THSD7B: variants seen among roughly 807,000 people sequenced by gnomAD.
The protein encoded by THSD7B is thrombospondin type 1 domain containing 7B.
In THSD7B, 138 loss-of-function variants were observed where a neutral mutation model predicts 213.6. The observed-to-expected ratio is 0.65, with a 90% CI of 0.56 to 0.74. The LOEUF is 0.74. Among genes scored for constraint, THSD7B ranks in the 30% least tolerant of loss-of-function variants. The pLI is 0.00. For synonymous variants in THSD7B, 742 were observed against 687.0 expected, an observed-to-expected ratio of 1.08 and a Z score of -1.25; for missense variants, 1,931 against 1,991.5, an observed-to-expected ratio of 0.97 and a Z score of 0.58.
Position 137,450,825 on chromosome 2 carries a change from C to T in THSD7B, c.2960-20C>T. Reference sequence around the variant, plus strand: ...GTACATTTTAATCAGACTTTCTTCTCTTAAATCTTTTTCTGTCAGGTTACA... The same window carrying T: ...GTACATTTTAATCAGACTTTCTTCTTTTAAATCTTTTTCTGTCAGGTTACA... On this transcript the variant is annotated intron_variant, in intron 14 of 27. Transcript: ENST00000409968. The T allele has an allele frequency of 3.2e-6, 5 of 1,564,468 alleles. No homozygotes were observed. Among genetic ancestry groups the T allele is most frequent in the Non-Finnish European group, 4.3e-6 (5 of 1,152,500 alleles).
At chr2:137,258,797 A>G (rs754681070) in intron 10 of THSD7B, among the ~76,000 whole-genome samples, 8 of 151,668 alleles carry the variant, frequency 5.3e-5, no homozygotes, top group South Asian at 4.2e-4. Context: ...TAAGCCCCGC[A>G]TGCATTAGGT....
At chr2:137,424,959 C>T (rs1687011668) in intron 14 of THSD7B, among the ~76,000 whole-genome samples, 1 of 151,590 alleles carries the variant, frequency 6.6e-6, no homozygotes, top group South Asian at 2.1e-4. Context: ...GTAGTCCCAG[C>T]TACTTGGGAG....
Position 137,457,949 on chromosome 2 carries a change from T to A in THSD7B, c.3138+6926T>A, listed in dbSNP as rs560048704. 1.4e-4 allele frequency among the ~76,000 whole-genome samples: 21 copies of A among 152,264 alleles called. No individual in the cohort carries two copies. In the South Asian group the frequency reaches 4.2e-3, roughly 30 times the overall value. ...TAGTCCACCCCTAAATAAATGAAGG[T>A]TCTGGGAATTTAACCATGTCAATGC... On this transcript the variant is annotated intron_variant, in intron 15 of 27. Coordinates refer to ENST00000409968, the MANE Select transcript of THSD7B (RefSeq NM_001316349.2).
At chr2:137,654,285 T>C (rs554807081) in intron 21 of THSD7B, among the ~76,000 whole-genome samples, 2 of 152,330 alleles carry the variant, frequency 1.3e-5, no homozygotes, top group South Asian at 4.1e-4. Context: ...AGGGGATCTG[T>C]GAAACCAACC....
At chr2:137,501,673 A>G (rs1240053192) in intron 15 of THSD7B, among the ~76,000 whole-genome samples, 1 of 152,216 alleles carries the variant, frequency 6.6e-6, no homozygotes. Flanking sequence ...TGCATTACCA[A>G]TATGATTGTA....
intron 12 of THSD7B, among the ~76,000 whole-genome samples, chr2:137,362,595 AC>A (rs1300498886): frequency 1.3e-5 from 2 of 151,718 alleles, no homozygotes; most frequent in Non-Finnish European, 2.9e-5. Context: ...CTCGTCTCTG[AC>A]AAAAACAGTC....
At position 137,233,103 on chromosome 2, in the gene THSD7B, A is replaced by G; in HGVS notation, c.2120A>G (p.Lys707Arg). The change falls in exon 9 of 28, where the codon AAG (lysine) becomes AGG (arginine). Residue 707 changes from lysine (K) to arginine (R), a missense_variant. Physicochemically the swap from Lys to Arg is conservative, Grantham distance 26 (BLOSUM62 2). Transcript: ENST00000409968. ...CAGACTCGGAGAGTCTTCTGTGTCA[A>G]GAGTCACGTGGGACAAGTAATGACC... ...GIQTRRVFCV[K>R]SHVGQVMTKR... is the part of the protein sequence containing the mutation. 2 of 1,613,850 alleles carry G rather than the reference A, an allele frequency of 1.2e-6. No individual in the cohort carries two copies. Among genetic ancestry groups the G allele is most frequent in the East Asian group, 2.2e-5 (1 of 44,874 alleles).
intron 15 of THSD7B, among the ~76,000 whole-genome samples, chr2:137,511,657 C>T (rs1679963390): frequency 6.6e-6 from 1 of 152,100 alleles, no homozygotes; most frequent in African/African-American, 2.4e-5. Context: ...GGCTTACTGG[C>T]CCCATGCAGT....
At chr2:137,248,364 T>G (rs1682090124) in intron 10 of THSD7B, among the ~76,000 whole-genome samples, 1 of 152,146 alleles carries the variant, frequency 6.6e-6, no homozygotes, top group South Asian at 2.1e-4. Flanking sequence ...TTAATGAACT[T>G]CCAGTGCTTA....
At chr2:137,102,383 T>G (rs6756561) in intron 4 of THSD7B, among the ~76,000 whole-genome samples, 49,641 of 152,044 alleles carry the variant, frequency 0.33, 10,320 homozygotes, top group African/African-American at 0.59. Flanking sequence ...CCATCAGAAG[T>G]TCACCAACAT....
intron 27 of THSD7B, among the ~76,000 whole-genome samples, chr2:137,668,418 G>A (rs1225343257): frequency 6.7e-6 from 1 of 149,492 alleles, no homozygotes; most frequent in South Asian, 2.1e-4. Flanking sequence ...GACCAGCTAT[G>A]AGACAAAATT....
rs777353589 is a variant in THSD7B at position 136,807,509 on chromosome 2, G to GTTTTTTTTTTTTTTTTTTTTTTTT, written c.-36+41838_-36+41839insTTTTTTTTTTTTTTTTTTTTTTTT. Reference sequence around the variant, plus strand: ...ACTTCCTAGCACTACAAAATGTTTCGTTTTTTTTTTTTTTTTGAGACGGAG... The same window carrying GTTTTTTTTTTTTTTTTTTTTTTTT: ...ACTTCCTAGCACTACAAAATGTTTCGTTTTTTTTTTTTTTTTTTTTTTTTTTTTTTTTTTTTTTTTGAGACGGAG... On this transcript the variant is annotated intron_variant, in intron 1 of 27. Coordinates refer to ENST00000409968, the MANE Select transcript of THSD7B (RefSeq NM_001316349.2). Among the ~76,000 whole-genome samples, 2 of 104,896 alleles carry GTTTTTTTTTTTTTTTTTTTTTTTT rather than the reference G, an allele frequency of 1.9e-5. 1 individual carries two copies. The highest frequency in any genetic ancestry group is 6.2e-4 in the East Asian group (2 of 3,232). The allele number at this position is 104,896 out of a possible 152,430, so 68.8% of individuals were successfully genotyped here.
chr2:137,177,967 A>G (rs565353766), intron 7 of THSD7B, among the ~76,000 whole-genome samples: 28 of 149,866 alleles, frequency 1.9e-4, no homozygotes, highest in Non-Finnish European at 3.7e-4. Context: ...GCTATTCGGG[A>G]GGCTGAGACA....
chr2:136,863,509 A>G (rs759830823), intron 1 of THSD7B, among the ~76,000 whole-genome samples: 12 of 152,226 alleles, frequency 7.9e-5, no homozygotes, highest in Non-Finnish European at 1.0e-4. Flanking sequence ...GCCTGATCTC[A>G]TTAGGTCCTT....
chr2:137,392,249 A>G (rs1686047439), intron 12 of THSD7B, among the ~76,000 whole-genome samples: 3 of 152,286 alleles, frequency 2.0e-5, no homozygotes, highest in Admixed American at 2.0e-4. Flanking sequence ...TGTTCTGTAA[A>G]TATCTGTTAG....
chr2:137,342,774 A>G (rs1181425804), intron 12 of THSD7B, among the ~76,000 whole-genome samples: 2 of 151,614 alleles, frequency 1.3e-5, no homozygotes, highest in East Asian at 3.9e-4. Context: ...ATTTTTTTAT[A>G]CCTAAAGAGA....
At chr2:137,662,594 G>A (rs1055992740) in intron 25 of THSD7B, among the ~76,000 whole-genome samples, 9 of 152,160 alleles carry the variant, frequency 5.9e-5, no homozygotes, top group African/African-American at 9.6e-5. Flanking sequence ...GAGGGATTTC[G>A]CGGCTGTGAT....
At chr2:137,445,885 C>G (rs1489360690) in intron 14 of THSD7B, among the ~76,000 whole-genome samples, 1 of 151,720 alleles carries the variant, frequency 6.6e-6, no homozygotes, top group African/African-American at 2.4e-5. Flanking sequence ...ATATATACAA[C>G]TATTATGTAT....
At chr2:137,378,219 A>C (rs895245035) in intron 12 of THSD7B, among the ~76,000 whole-genome samples, 1 of 152,212 alleles carries the variant, frequency 6.6e-6, no homozygotes, top group African/African-American at 2.4e-5. Context: ...GATTGCTGAC[A>C]ATGTCTTAAA....
Sources: allele counts gnomAD v4.1 joint callset (sites outside exome capture counted in the v4.1 genomes callset), GRCh38; gene constraint gnomAD v4.1.1; transcripts MANE v1.5; gene names NCBI Gene and HGNC (gene_info 2026-07-23, HGNC 2026-07-21).